The following MMP16 variants were observed in gnomAD, a reference collection of about 807,000 sequenced individuals.
MMP16 encodes the protein matrix metalloproteinase-16.
MMP16 carries 12 observed loss-of-function variants against 67.8 expected under a neutral mutation model. The ratio of observed to expected loss-of-function variants is 0.18; its 90% confidence interval spans 0.11 to 0.29. The LOEUF (loss-of-function observed/expected upper bound fraction) is 0.29, where lower values mean the gene tolerates loss of function less well. MMP16 is among the 10% of genes least tolerant of loss of function. MMP16 has a pLI of 1.00. For synonymous variants in MMP16, 249 were observed against 255.9 expected, an observed-to-expected ratio of 0.97 and a Z score of 0.26; for missense variants, 475 against 765.7, an observed-to-expected ratio of 0.62 and a Z score of 4.48.
At chr8:88,312,444 C>A (rs967456850) in intron 1 of MMP16, among the ~76,000 whole-genome samples, 2 of 152,112 alleles carry the variant, frequency 1.3e-5, no homozygotes, top group African/African-American at 4.8e-5. Context: ...ATTCAATATG[C>A]AATTTTTAAC....
intron 1 of MMP16, among the ~76,000 whole-genome samples, chr8:88,236,727 TA>T (rs1206780047): frequency 1.3e-5 from 2 of 151,738 alleles, no homozygotes; most frequent in African/African-American, 2.4e-5. Flanking sequence ...CCAGCCTGGG[TA>T]AAAAGCGAGA....
intron 1 of MMP16, among the ~76,000 whole-genome samples, chr8:88,235,243 T>G (rs770445637): frequency 6.6e-6 from 1 of 151,924 alleles, no homozygotes; most frequent in Non-Finnish European, 1.5e-5. Flanking sequence ...AGTTCAAAAA[T>G]TAGCCAGGCA....
chr8:88,178,923 T>C lies in MMP16; in HGVS notation c.404+7553A>G, dbSNP rs904171007. Among the ~76,000 whole-genome samples the C allele has an allele frequency of 2.6e-5, 4 of 151,886 alleles. No individual in the cohort carries two copies. The South Asian group carries it at 8.3e-4, about 32-fold the overall frequency. The stretch of plus-strand genomic sequence containing the variant: ...CACAGAGTGTAATATTAGCTGTGGG[T>C]TTTTAGTAAATGCATTGAAGCAGAA... On this transcript the variant is annotated intron_variant, in intron 3 of 9. Coordinates refer to ENST00000286614, the MANE Select transcript of MMP16 (RefSeq NM_005941.5).
At chr8:88,319,529 A>T (rs183672030) in intron 1 of MMP16, among the ~76,000 whole-genome samples, 66 of 152,218 alleles carry the variant, frequency 4.3e-4, no homozygotes, top group Non-Finnish European at 1.5e-5. Flanking sequence ...AGAACCTAAA[A>T]TAAAAACAAA....
chr8:88,098,211 A>G (rs1809062996), intron 6 of MMP16, among the ~76,000 whole-genome samples: 1 of 152,008 alleles, frequency 6.6e-6, no homozygotes, highest in African/African-American at 2.4e-5. Context: ...AGAAGCTTCC[A>G]TTGTCCTCAG....
intron 6 of MMP16, among the ~76,000 whole-genome samples, chr8:88,094,022 C>T (rs1288795639): frequency 1.3e-5 from 2 of 151,706 alleles, no homozygotes; most frequent in African/African-American, 4.8e-5. Context: ...TAGTATAAGG[C>T]GGGTCTGTCT....
chr8:88,058,905 T>G lies in MMP16; in HGVS notation c.1223-2627A>C, dbSNP rs1808363143. Among the ~76,000 whole-genome samples the G allele has an allele frequency of 6.6e-6, 1 of 151,982 alleles. No homozygotes were observed. Among genetic ancestry groups the G allele is most frequent in the African/African-American group, 2.4e-5 (1 of 41,402 alleles). On this transcript the variant is annotated intron_variant, in intron 7 of 9. Transcript: ENST00000286614. This position sits in a 1 kb window ranked among gnomAD's most constrained non-coding sequence, Gnocchi z 4.2. ...TAGAGATGGAAAGGATAAAATAAAG[T>G]CAGGACATATTTTGGAGATGGAATT...
At chr8:88,289,312 C>G (rs915358823) in intron 1 of MMP16, among the ~76,000 whole-genome samples, 4 of 152,090 alleles carry the variant, frequency 2.6e-5, no homozygotes, top group African/African-American at 9.7e-5. Context: ...TGTTACTATG[C>G]TGCCAAAATT....
chr8:88,197,011 T>G, intron 2 of MMP16, 147 bp downstream of exon 2: 1 of 677,388 alleles, frequency 1.5e-6, no homozygotes, highest in Non-Finnish European at 2.3e-6. Flanking sequence ...ATTGGAGGAG[T>G]GGGGTTAAAT....
chr8:88,167,917 C>T lies in MMP16; in HGVS notation c.461G>A (p.Arg154His), dbSNP rs760497058. ...TACATTCTGCCACACATCAAAGGCA[C>T]GGCGAATAGCTTTACGAGTCTCAGG... ...GDPETRKAIR[R>H]AFDVWQNVTP... The change falls in exon 4 of 10, where the codon CGT becomes CAT. Residue 154 changes from arginine (R) to histidine (H), a missense_variant. Arg to His is a conservative substitution (Grantham distance 29). This residue lies in a region of MMP16 where 170 missense variants were observed against 239.6 expected (regional missense o/e 0.71). Coordinates refer to ENST00000286614, the MANE Select transcript of MMP16 (RefSeq NM_005941.5). 7.4e-6 allele frequency: 12 copies of T among 1,613,786 alleles called. No individual in the cohort carries two copies. Among genetic ancestry groups the T allele is most frequent in the South Asian group, 2.2e-5 (2 of 91,056 alleles).
At chr8:88,275,423 G>A (rs2129981810) in intron 1 of MMP16, among the ~76,000 whole-genome samples, 1 of 151,884 alleles carries the variant, frequency 6.6e-6, no homozygotes, top group Admixed American at 6.5e-5. Context: ...TTTGAATAAT[G>A]ACTTTAGTTC....
At chr8:88,266,634 G>T (rs1386619920) in intron 1 of MMP16, among the ~76,000 whole-genome samples, 2 of 151,944 alleles carry the variant, frequency 1.3e-5, no homozygotes, top group African/African-American at 2.4e-5. Flanking sequence ...TCATAATTTT[G>T]AGGAAATTTT....
chr8:88,153,397 C>T (rs200920508), intron 4 of MMP16, among the ~76,000 whole-genome samples: 40 of 152,142 alleles, frequency 2.6e-4, no homozygotes, highest in African/African-American at 8.7e-4. Flanking sequence ...AAAAAGAGCC[C>T]GCATCACCAA....
At chr8:88,052,819 C>T (rs982128246) in intron 8 of MMP16, among the ~76,000 whole-genome samples, 1 of 152,212 alleles carries the variant, frequency 6.6e-6, no homozygotes, top group Admixed American at 6.5e-5. Context: ...CTTCTTCCTA[C>T]TCAAGTCCCC....
intron 6 of MMP16, among the ~76,000 whole-genome samples, chr8:88,077,816 T>G (rs890110400): frequency 6.6e-6 from 1 of 152,180 alleles, no homozygotes; most frequent in Non-Finnish European, 1.5e-5. Flanking sequence ...CACACAAACA[T>G]AAAAATTCTA....
At chr8:88,184,643 G>T (rs1399584876) in intron 3 of MMP16, among the ~76,000 whole-genome samples, 1 of 132,532 alleles carries the variant, frequency 7.5e-6, no homozygotes, top group Admixed American at 8.4e-5. Context: ...GCTACTCAAC[G>T]GGCTAAGGCA....
At chr8:88,197,671 T>TG (rs1295764860) in intron 1 of MMP16, among the ~76,000 whole-genome samples, 2 of 152,178 alleles carry the variant, frequency 1.3e-5, no homozygotes, top group African/African-American at 4.8e-5. Flanking sequence ...TTCAACAGTA[T>TG]GACTCTATTG....
intron 4 of MMP16, among the ~76,000 whole-genome samples, chr8:88,132,211 A>G (rs1195289579): frequency 1.3e-5 from 2 of 151,798 alleles, no homozygotes; most frequent in Non-Finnish European, 2.9e-5. Context: ...GTATATACGT[A>G]AGAATAAATT....
intron 4 of MMP16, among the ~76,000 whole-genome samples, chr8:88,160,526 GA>G (rs1364941452): frequency 6.6e-6 from 1 of 152,048 alleles, no homozygotes; most frequent in Admixed American, 6.6e-5. Flanking sequence ...AAAAACACAT[GA>G]AAAAATGCTC....
Sources: allele counts gnomAD v4.1 joint callset (sites outside exome capture counted in the v4.1 genomes callset), GRCh38; gene constraint gnomAD v4.1.1; regional missense constraint gnomAD v4.1.1; non-coding constraint Gnocchi (gnomAD v3.1); transcripts MANE v1.5; gene names NCBI Gene and HGNC (gene_info 2026-07-23, HGNC 2026-07-21).